NSMF: variants seen among roughly 807,000 people sequenced by gnomAD.
NSMF encodes the protein nasal embryonic LHRH factor.
Under a neutral mutation model 71.0 loss-of-function variants are expected in NSMF, and 31 were observed. The observed-to-expected ratio is 0.44, with a 90% CI of 0.33 to 0.59. NSMF has a LOEUF of 0.59. NSMF is among the 20% of genes least tolerant of loss of function. NSMF has a pLI of 0.04. For synonymous variants in NSMF, 345 were observed against 287.1 expected, an observed-to-expected ratio of 1.20 and a Z score of -2.04; for missense variants, 673 against 740.5, an observed-to-expected ratio of 0.91 and a Z score of 1.06.
intron 12 of NSMF, 109 bp from the exon 13 acceptor site, chr9:137,450,364 C>T (rs528826050): frequency 3.5e-6 from 3 of 852,560 alleles, no homozygotes; most frequent in South Asian, 1.3e-5. Flanking sequence ...CCCCCGGCCA[C>T]GCTTCTTCCC....
At chr9:137,452,274 T>G in intron 12 of NSMF, 91 bp downstream of exon 12, 5 of 575,422 alleles carry the variant, frequency 8.7e-6, no homozygotes, top group Non-Finnish European at 5.6e-6. Context: ...CCTCTTCCCC[T>G]TGGTCTCCCC....
rs1188246415 is a variant in NSMF at position 137,447,745 on chromosome 9, CT to C, written c.*1648del. The C allele has an allele frequency of 6.6e-6, 1 of 151,700 alleles. No individual in the cohort carries two copies. Among genetic ancestry groups the C allele is most frequent in the Non-Finnish European group, 1.5e-5 (1 of 67,942 alleles). 9.4% of individuals were successfully genotyped at this position (151,700 alleles called of 1,614,324 possible). On this transcript the variant is annotated 3_prime_UTR_variant, in exon 16 of 16. Transcript: ENST00000371475. ...TGCCAGGCTGCGCACCAGTGGCCCC[CT>C]GACCCTAGCCCAGCTGATACGTGCT...
intron 2 of NSMF, 62 bp downstream of exon 2, chr9:137,458,426 G>A: frequency 7.1e-7 from 1 of 1,416,430 alleles, no homozygotes; most frequent in Non-Finnish European, 9.7e-7. Context: ...CCGGAGGCAG[G>A]GATCAGCATC....
At chr9:137,449,771 C>CT in intron 14 of NSMF, 97 bp from the exon 15 acceptor site, 1 of 1,331,774 alleles carries the variant, frequency 7.5e-7, no homozygotes, top group South Asian at 1.2e-5. Context: ...TTTTTCAGAC[C>CT]CCCCAAACCT....
In NSMF at chr9:137,449,920, T is replaced by A. The variant is rs369199677; in HGVS notation, c.1419+3A>T. The A allele has an allele frequency of 6.2e-7, 1 of 1,611,050 alleles. No homozygotes were observed. The highest frequency in any genetic ancestry group is 1.3e-5 in the African/African-American group (1 of 74,862). Reference sequence around the variant, plus strand: ...CTGGGGTGGGGCTTGGGGGTCACTGTACCTTCTCTCCATTGGGGTTCCCCA... The same window carrying A: ...CTGGGGTGGGGCTTGGGGGTCACTGAACCTTCTCTCCATTGGGGTTCCCCA... On this transcript the variant is annotated splice_donor_region_variant and intron_variant, in intron 14 of 15. Transcript: ENST00000371475.
intron 7 of NSMF, 76 bp downstream of exon 7, chr9:137,454,315 C>T (rs1239117772): frequency 5.0e-6 from 7 of 1,406,276 alleles, no homozygotes; most frequent in Middle Eastern, 2.4e-4. Context: ...TCGTTCTTAT[C>T]GCAGCTAGCA....
chr9:137,458,578 G>T, intron 1 of NSMF, 29 bp from the exon 2 acceptor site: 2 of 1,571,816 alleles, frequency 1.3e-6, no homozygotes. Context: ...CACGGTCAGA[G>T]GCCACGGCAC....
In NSMF at chr9:137,453,326, C is replaced by G. The variant is rs562969602; in HGVS notation, c.923-146G>C. 3.4e-5 allele frequency: 40 copies of G among 1,162,926 alleles called. No homozygotes were observed. The South Asian group carries it at 3.5e-4, about 10-fold the overall frequency. 72.0% of individuals were successfully genotyped at this position (1,162,926 alleles called of 1,614,324 possible). A position where few individuals can be genotyped will look rare whatever the true frequency, so the allele number is the denominator to read the frequency against. On this transcript the variant is annotated intron_variant, in intron 8 of 15. Coordinates refer to ENST00000371475, the MANE Select transcript of NSMF (RefSeq NM_001130969.3). This position sits in a 1 kb window ranked among gnomAD's most constrained non-coding sequence, Gnocchi z 4.5. ...GACCATACAGAGGTCGCCGCCAGCC[C>G]GGCAGGACAGGCCTGTGGACACCAC... is the stretch of plus-strand genomic sequence containing the variant.
In NSMF at chr9:137,449,269, G is replaced by C; in HGVS notation, c.*125C>G. On this transcript the variant is annotated 3_prime_UTR_variant, in exon 16 of 16. Transcript: ENST00000371475. ...CAGGGGGAACCTGAGCAACGTCTGA[G>C]GTGCCCTGAAGTGGCTCCAGGCGAG... 1 of 786,864 alleles carries C rather than the reference G, an allele frequency of 1.3e-6. No individual in the cohort carries two copies. Among genetic ancestry groups the C allele is most frequent in the Non-Finnish European group, 2.2e-6 (1 of 463,440 alleles). 48.7% of individuals were successfully genotyped at this position (786,864 alleles called of 1,614,324 possible). A position where few individuals can be genotyped will look rare whatever the true frequency, so the allele number is the denominator to read the frequency against.
At chr9:137,455,669 G>C (rs1485465424) in intron 4 of NSMF, 35 bp from the exon 5 acceptor site, 2 of 1,550,236 alleles carry the variant, frequency 1.3e-6, no homozygotes, top group Admixed American at 3.9e-5. Context: ...GCGTGAGAGA[G>C]AAGACACAGT....
At chr9:137,456,944 C>G (rs1049491505) in intron 3 of NSMF, among the ~76,000 whole-genome samples, 2 of 152,112 alleles carry the variant, frequency 1.3e-5, no homozygotes, top group Non-Finnish European at 2.9e-5. Context: ...CCCTGATGCC[C>G]AAGTGTGGGG....
At position 137,457,651 on chromosome 9, in the gene NSMF, C is replaced by G. The variant is rs1381671425; in HGVS notation, c.384G>C (p.Arg128=). The change falls in exon 3 of 16, where the codon CGG becomes CGC. Residue 128 remains arginine, a synonymous_variant. Transcript: ENST00000371475. ...AIELAVVKGR[R]QRHPHHHSQP... ...GGCTGTGATGGTGAGGGTGCCGCTG[C>G]CGCCGCCCCTTCACCACCGCCAGCT... 8 of 1,549,368 alleles carry G rather than the reference C, an allele frequency of 5.2e-6. 1 individual carries two copies. The East Asian group carries it at 1.7e-4, about 33-fold the overall frequency.
At chr9:137,450,394 C>A in intron 12 of NSMF, 139 bp from the exon 13 acceptor site, 2 of 692,922 alleles carry the variant, frequency 2.9e-6, no homozygotes, top group South Asian at 2.9e-5. Flanking sequence ...CCCCACCACA[C>A]GTCTTTCCCT....
Position 137,457,862 on chromosome 9 carries a change from G to A in NSMF, c.173C>T (p.Ser58Phe). 6.5e-7 allele frequency: 1 copy of A among 1,550,212 alleles called. No homozygotes were observed. The stretch of plus-strand genomic sequence containing the variant: ...CTGGGGGGCCGGCTGCATCTCGGGG[G>A]ACCCGTCGTGGCCAGAGTAGGCATC... ...LADAYSGHDG[S>F]PEMQPAPQNK... The change falls in exon 3 of 16, where the codon TCC becomes TTC. Residue 58 changes from serine (S) to phenylalanine (F), a missense_variant. Physicochemically the swap from Ser to Phe is radical, Grantham distance 155. Coordinates refer to ENST00000371475, the MANE Select transcript of NSMF (RefSeq NM_001130969.3).
chr9:137,454,355 ACGCCGCCCCCCCACCCC>A lies in NSMF; in HGVS notation c.832+19_832+35del, dbSNP rs747024548. The A allele has an allele frequency of 1.3e-6, 2 of 1,545,324 alleles. No homozygotes were observed. Among genetic ancestry groups the A allele is most frequent in the South Asian group, 2.4e-5 (2 of 83,968 alleles). ...GCAAAGCCCCAACCAGCCAAGCGCA[ACGCCGCCCCCCCACCCC>A]CGCCGCACGGGGTCTTACTCTGGGC... On this transcript the variant is annotated intron_variant, in intron 7 of 15. Coordinates refer to ENST00000371475, the MANE Select transcript of NSMF (RefSeq NM_001130969.3).
In NSMF at chr9:137,453,860, G is replaced by C; in HGVS notation, c.833-40C>G. 1 of 1,523,960 alleles carries C rather than the reference G, an allele frequency of 6.6e-7. No individual in the cohort carries two copies. The highest frequency in any genetic ancestry group is 8.8e-7 in the Non-Finnish European group (1 of 1,132,512). 94.4% of individuals were successfully genotyped at this position (1,523,960 alleles called of 1,614,324 possible). A position where few individuals can be genotyped will look rare whatever the true frequency, so the allele number is the denominator to read the frequency against. On this transcript the variant is annotated intron_variant, in intron 7 of 15. Transcript: ENST00000371475. The surrounding 1 kb of genome is among the most constrained non-coding windows in gnomAD (Gnocchi z 4.5). Reference sequence around the variant, plus strand: ...ACCCGCATTAGCGAGCGGGTGGGGCGGGGCCTCGGGAGTCTCAGACCCCAG... The same window carrying C: ...ACCCGCATTAGCGAGCGGGTGGGGCCGGGCCTCGGGAGTCTCAGACCCCAG...
At chr9:137,454,969 ATC>A (rs907652403) in intron 6 of NSMF, 6 of 713,388 alleles carry the variant, frequency 8.4e-6, no homozygotes, top group African/African-American at 5.3e-5. Context: ...TCCCAGACAC[ATC>A]TGTGTGATTG....
At chr9:137,456,836 C>T (rs1830861433) in intron 3 of NSMF, among the ~76,000 whole-genome samples, 1 of 152,214 alleles carries the variant, frequency 6.6e-6, no homozygotes, top group Non-Finnish European at 1.5e-5. Flanking sequence ...GGCTCTGAGG[C>T]CTTCTCTGCA....
At chr9:137,450,291 T>G (rs1830412062) in intron 12 of NSMF, 36 bp from the exon 13 acceptor site, 2 of 1,554,130 alleles carry the variant, frequency 1.3e-6, no homozygotes, top group African/African-American at 2.7e-5. Context: ...TGCTCCTCCT[T>G]CCTCCCCCTC....
Sources: allele counts gnomAD v4.1 joint callset (sites outside exome capture counted in the v4.1 genomes callset), GRCh38; gene constraint gnomAD v4.1.1; non-coding constraint Gnocchi (gnomAD v3.1); transcripts MANE v1.5; gene names NCBI Gene and HGNC (gene_info 2026-07-23, HGNC 2026-07-21).